Variants in IKBKE observed in about 807,000 individuals in gnomAD.
IKBKE encodes inhibitor of nuclear factor kappa B kinase subunit epsilon, also known as inhibitor of nuclear factor kappa-B kinase subunit epsilon.
IKBKE carries 45 observed loss-of-function variants against 92.1 expected under a neutral mutation model. The ratio of observed to expected loss-of-function variants is 0.49; its 90% CI spans 0.38 to 0.63. The LOEUF (loss-of-function observed/expected upper bound fraction) is 0.63. IKBKE is among the 20% of genes least tolerant of loss of function. The pLI, the probability that IKBKE is intolerant of heterozygous loss-of-function variation, is 0.00. For synonymous variants in IKBKE, 374 were observed against 380.3 expected (o/e 0.98, Z 0.19); for missense variants, 700 against 932.8 (o/e 0.75, Z 3.25).
intron 20 of IKBKE, 106 bp downstream of exon 20, chr1:206,493,484 A>G: frequency 1.2e-6 from 1 of 811,326 alleles, no homozygotes; most frequent in East Asian, 2.6e-5. Context: ...TGCCAGGCCT[A>G]GGAGGCAAGA....
rs1553391987 is a variant in IKBKE, at chr1:206,496,010, A to C, written c.2118-102A>C. 3 of 835,106 alleles carry C rather than the reference A, an allele frequency of 3.6e-6. No individual in the cohort carries two copies. The Admixed American group carries it at 6.4e-5, about 18-fold the overall frequency. The allele number at this position is 835,106 out of a possible 1,614,324, so 51.7% of individuals were successfully genotyped here. A position where few individuals can be genotyped will look rare whatever the true frequency, so the allele number is the denominator to read the frequency against. On this transcript the variant is annotated intron_variant, in intron 21 of 21. Transcript: ENST00000581977. ...CTACAAGGGGAGAGCTGAGGACTTG[A>C]ATGGCTCAGTGTTCTTGAAAGCTAA...
At chr1:206,489,369 GTATATATA>G (rs368827445) in intron 16 of IKBKE, among the ~76,000 whole-genome samples, 1,696 of 119,106 alleles carry the variant, frequency 0.014, 15 homozygotes, top group Middle Eastern at 0.043. Context: ...GTGTGTGTGT[GTATATATA>G]TATATATATA....
intron 15 of IKBKE, among the ~76,000 whole-genome samples, chr1:206,486,392 T>C (rs1419102788): frequency 1.3e-5 from 2 of 151,556 alleles, no homozygotes; most frequent in Admixed American, 1.3e-4. Flanking sequence ...TCTGAGGCCC[T>C]GTCCTTTTGG....
At chr1:206,492,800 C>T (rs782529394) in intron 18 of IKBKE, 15 of 658,082 alleles carry the variant, frequency 2.3e-5, no homozygotes, top group African/African-American at 8.9e-5. Context: ...CTCCACACTA[C>T]GGCTCTGAAG....
At chr1:206,491,555 G>A (rs1422721535) in intron 17 of IKBKE, 93 bp from the exon 18 acceptor site, 1 of 866,754 alleles carries the variant, frequency 1.2e-6, no homozygotes, top group Non-Finnish European at 1.9e-6. Context: ...TTACGACAAG[G>A]TGGTGACGGA....
At chr1:206,491,353 C>T (rs1665943517) in intron 17 of IKBKE, 6 of 393,766 alleles carry the variant, frequency 1.5e-5, no homozygotes, top group South Asian at 1.4e-4. Flanking sequence ...ACGGCTGCCT[C>T]ACTTTCCCTT....
At chr1:206,488,216 C>T (rs996761604) in intron 16 of IKBKE, among the ~76,000 whole-genome samples, 2 of 152,254 alleles carry the variant, frequency 1.3e-5, no homozygotes, top group Admixed American at 1.3e-4. Flanking sequence ...GGACATGAAA[C>T]CTTTACATGC....
chr1:206,478,891 C>T lies in IKBKE; in HGVS notation c.993-52C>T. 1.4e-6 allele frequency: 2 copies of T among 1,430,240 alleles called. No homozygotes were observed. Among genetic ancestry groups the T allele is most frequent in the Non-Finnish European group, 2.0e-6 (2 of 1,012,948 alleles). 88.6% of individuals were successfully genotyped at this position (1,430,240 alleles called of 1,614,324 possible). ...GGGCTTAGGTCACCCTAGCCCCCTG[C>T]CTTGCCTACTGACACCCCCTGCCCT... is the stretch of plus-strand genomic sequence containing the variant. On this transcript the variant is annotated intron_variant, in intron 9 of 21. Coordinates refer to ENST00000581977, the MANE Select transcript of IKBKE (RefSeq NM_014002.4). This position sits in a 1 kb window ranked among gnomAD's most constrained non-coding sequence, Gnocchi z 4.8.
At chr1:206,474,013 A>C (rs1274945486) in intron 3 of IKBKE, among the ~76,000 whole-genome samples, 1 of 151,310 alleles carries the variant, frequency 6.6e-6, no homozygotes, top group East Asian at 1.9e-4. Context: ...CCAGGTTCCA[A>C]TCCCTTCCCT....
In IKBKE at chr1:206,487,246, TCAAA is replaced by T. The variant is rs1473623214; in HGVS notation, c.1617-663_1617-660del. On this transcript the variant is annotated intron_variant, in intron 15 of 21. Coordinates refer to ENST00000581977, the MANE Select transcript of IKBKE (RefSeq NM_014002.4). This position sits in a 1 kb window ranked among gnomAD's most constrained non-coding sequence, Gnocchi z 5.3. ...ACTTTTCCCAGACACTCCCGACTTC[TCAAA>T]CAAAGTGTTTGTTTCCAGCCTGAAA... 4.6e-5 allele frequency among the ~76,000 whole-genome samples: 7 copies of T among 152,170 alleles called. No homozygotes were observed. The highest frequency in any genetic ancestry group is 2.1e-4 in the South Asian group (1 of 4,834).
chr1:206,472,432 A>G (rs1553384038), intron 2 of IKBKE, among the ~76,000 whole-genome samples: 3 of 152,078 alleles, frequency 2.0e-5, no homozygotes, highest in African/African-American at 7.2e-5. Flanking sequence ...GGCTTTGGGG[A>G]AAAGATGAGG....
intron 16 of IKBKE, among the ~76,000 whole-genome samples, chr1:206,489,924 G>A (rs538567298): frequency 2.6e-5 from 4 of 152,182 alleles, no homozygotes; most frequent in African/African-American, 9.7e-5. Context: ...AAAACCCAGC[G>A]TGTTGAAAGA....
chr1:206,478,130 C>T lies in IKBKE; in HGVS notation c.813-30C>T, dbSNP rs782333336. On this transcript the variant is annotated intron_variant, in intron 8 of 21. Coordinates refer to ENST00000581977, the MANE Select transcript of IKBKE (RefSeq NM_014002.4). This position sits in a 1 kb window ranked among gnomAD's most constrained non-coding sequence, Gnocchi z 4.8. ...AGGAGGATAGGTCTGGGCCCCCACCCCTGACAGTCTCCATGTCCTGGGAGG... is the reference window on the plus strand; with the variant it reads ...AGGAGGATAGGTCTGGGCCCCCACCTCTGACAGTCTCCATGTCCTGGGAGG... 2 of 1,606,356 alleles carry T rather than the reference C, an allele frequency of 1.2e-6. No homozygotes were observed. Among genetic ancestry groups the T allele is most frequent in the East Asian group, 4.5e-5 (2 of 44,836 alleles).
At chr1:206,492,364 C>T in intron 18 of IKBKE, 1 of 442,690 alleles carries the variant, frequency 2.3e-6, no homozygotes, top group South Asian at 1.7e-5. Context: ...CCACGTGCTA[C>T]CACATTCTGA....
At chr1:206,491,794 C>A in intron 18 of IKBKE, 45 bp downstream of exon 18, 1 of 1,408,476 alleles carries the variant, frequency 7.1e-7, no homozygotes, top group Non-Finnish European at 1.0e-6. Flanking sequence ...CCTGGCCTGG[C>A]CCTTCTAGGC....
chr1:206,490,924 C>A lies in IKBKE; in HGVS notation c.1733+66C>A. 1 of 1,442,624 alleles carries A rather than the reference C, an allele frequency of 6.9e-7. No individual in the cohort carries two copies. The highest frequency in any genetic ancestry group is 9.8e-7 in the Non-Finnish European group (1 of 1,025,514). The allele number at this position is 1,442,624 out of a possible 1,614,324, so 89.4% of individuals were successfully genotyped here. On this transcript the variant is annotated intron_variant, in intron 17 of 21. Coordinates refer to ENST00000581977, the MANE Select transcript of IKBKE (RefSeq NM_014002.4). This position sits in a 1 kb window ranked among gnomAD's most constrained non-coding sequence, Gnocchi z 5.2. ...TGGGTGTCCTCAGGGCAGAGCGATTCTCAACGCCAGAGGAGAGGCAGTGAA... is the reference window on the plus strand; with the variant it reads ...TGGGTGTCCTCAGGGCAGAGCGATTATCAACGCCAGAGGAGAGGCAGTGAA...
intron 5 of IKBKE, 87 bp downstream of exon 5, chr1:206,475,081 GCTAA>G: frequency 1.5e-6 from 2 of 1,371,142 alleles, no homozygotes; most frequent in Non-Finnish European, 2.0e-6. Context: ...TCTGACTCCT[GCTAA>G]TCATTCCATT....
chr1:206,477,890 G>GGAGTCTGAGCTGGGTGTCAC, intron 8 of IKBKE, 31 bp downstream of exon 8: 1 of 1,412,242 alleles, frequency 7.1e-7, no homozygotes, highest in Non-Finnish European at 9.8e-7. Flanking sequence ...GGGTGATGCT[G>GGAGTCTGAGCTGGGTGTCAC]GAGTCTGAGC....
chr1:206,485,096 G>C lies in IKBKE; in HGVS notation c.1503+24G>C. 3 of 1,609,832 alleles carry C rather than the reference G, an allele frequency of 1.9e-6. No homozygotes were observed. The highest frequency in any genetic ancestry group is 2.6e-6 in the Non-Finnish European group (3 of 1,176,064). The stretch of plus-strand genomic sequence containing the variant: ...CTGTGAGTGAGGCTGGAGGGCAAGG[G>C]CTTAGCAGGATCAGAGCTGGGGGCC... On this transcript the variant is annotated intron_variant, in intron 14 of 21. Coordinates refer to ENST00000581977, the MANE Select transcript of IKBKE (RefSeq NM_014002.4). This position sits in a 1 kb window ranked among gnomAD's most constrained non-coding sequence, Gnocchi z 5.0.
Sources: gnomAD v4.1 joint callset for allele counts (sites outside exome capture counted in the v4.1 genomes callset) on GRCh38, gnomAD v4.1.1 for gene constraint, Gnocchi (gnomAD v3.1) non-coding constraint, MANE v1.5 for transcripts, NCBI Gene and HGNC (gene_info 2026-07-23, HGNC 2026-07-21) for gene names.